The following MBD5 variants were observed in gnomAD, a reference collection of about 807,000 sequenced individuals.
MBD5 encodes methyl-CpG-binding domain protein 5.
In MBD5, 13 loss-of-function variants were observed where a neutral mutation model predicts 117.3. The ratio of observed to expected loss-of-function variants is 0.11; its 90% confidence interval spans 0.07 to 0.18. MBD5 has a LOEUF of 0.18. MBD5 is among the 10% of genes least tolerant of loss of function. The pLI is 1.00. For synonymous variants in MBD5, 727 were observed against 766.4 expected (o/e 0.95, Z 0.85); for missense variants, 1,879 against 2,093.8 (o/e 0.90, Z 2.00).
intron 2 of MBD5, among the ~76,000 whole-genome samples, chr2:148,203,585 G>A (rs1699198378): frequency 6.6e-6 from 1 of 152,184 alleles, no homozygotes; most frequent in African/African-American, 2.4e-5. Context: ...TTAGGAAGGA[G>A]GGTCAAGGAA....
At chr2:148,464,260 T>C (rs1251697123) in intron 7 of MBD5, among the ~76,000 whole-genome samples, 1 of 152,156 alleles carries the variant, frequency 6.6e-6, no homozygotes, top group Non-Finnish European at 1.5e-5. Flanking sequence ...TGGATTGGAA[T>C]GTGTGGTATC....
chr2:148,427,806 A>G (rs72620204), intron 4 of MBD5, among the ~76,000 whole-genome samples: 1 of 151,886 alleles, frequency 6.6e-6, no homozygotes, highest in East Asian at 1.9e-4. Flanking sequence ...AAAAAAGAAT[A>G]AAAAAATGAA....
chr2:148,180,737 T>C (rs1306754325), intron 2 of MBD5, among the ~76,000 whole-genome samples: 1 of 151,910 alleles, frequency 6.6e-6, no homozygotes, highest in Non-Finnish European at 1.5e-5. Context: ...GAAAGCAGAG[T>C]TAATCACACT....
At chr2:148,492,725 A>T (rs1681568029) in intron 11 of MBD5, among the ~76,000 whole-genome samples, 1 of 152,084 alleles carries the variant, frequency 6.6e-6, no homozygotes, top group South Asian at 2.1e-4. Context: ...CCGTGAGTCA[A>T]AGTTCTCATT....
At chr2:148,466,246 A>G (rs949196841) in intron 7 of MBD5, among the ~76,000 whole-genome samples, 3 of 152,144 alleles carry the variant, frequency 2.0e-5, no homozygotes, top group African/African-American at 7.2e-5. Flanking sequence ...TTTGGAAGGT[A>G]CTGTTTATTC....
At chr2:148,418,031 G>T (rs1705477801) in intron 4 of MBD5, among the ~76,000 whole-genome samples, 1 of 151,928 alleles carries the variant, frequency 6.6e-6, no homozygotes, top group African/African-American at 2.4e-5. Context: ...GTGAAGACGG[G>T]GTTTCACCAT....
chr2:148,377,406 G>T (rs1244805950), intron 4 of MBD5, among the ~76,000 whole-genome samples: 1 of 152,148 alleles, frequency 6.6e-6, no homozygotes, highest in Non-Finnish European at 1.5e-5. Context: ...GACACACCCA[G>T]AATGAATACT....
intron 1 of MBD5, among the ~76,000 whole-genome samples, chr2:148,046,224 C>T (rs62169555): frequency 1.1e-4 from 16 of 151,856 alleles, no homozygotes; most frequent in African/African-American, 2.9e-4. Flanking sequence ...CCTTGTGATC[C>T]GCCCACCTTG....
In MBD5 at chr2:148,485,860, G is replaced by T. The variant is rs774912000; in HGVS notation, c.3663G>T (p.Gly1221=). ...AGCAACAGCAGCAACTTCTCCAGGG[G>T]TACCAGAATCTCCAGGCGTTCCAAG... is the stretch of plus-strand genomic sequence containing the variant. ...PNQQQQQLLQ[G]YQNLQAFQGQ... Residue 1221 remains glycine (G), a synonymous_variant, in exon 10 of 14, where the codon GGG becomes GGT. Coordinates refer to ENST00000642680, the MANE Select transcript of MBD5 (RefSeq NM_001378120.1). 146 of 1,613,926 alleles carry T rather than the reference G, an allele frequency of 9.0e-5. No homozygotes were observed. The highest frequency in any genetic ancestry group is 1.1e-4 in the Non-Finnish European group (133 of 1,179,964).
At chr2:148,140,082 G>A (rs1031378774) in intron 1 of MBD5, among the ~76,000 whole-genome samples, 5 of 152,112 alleles carry the variant, frequency 3.3e-5, no homozygotes, top group African/African-American at 4.8e-5. Context: ...AGAAACCTGA[G>A]GCCCAGAGAA....
At chr2:148,062,662 A>G (rs902099887) in intron 1 of MBD5, 1 of 152,038 alleles carries the variant, frequency 6.6e-6, no homozygotes, top group African/African-American at 2.4e-5. Flanking sequence ...AATAATTAAT[A>G]GTATTTGAAT....
intron 4 of MBD5, among the ~76,000 whole-genome samples, chr2:148,454,872 AT>A (rs922972574): frequency 1.3e-5 from 2 of 152,044 alleles, no homozygotes; most frequent in African/African-American, 4.8e-5. Context: ...GACATTTAGG[AT>A]TTTTTTGTTT....
intron 13 of MBD5, 86 bp downstream of exon 13, chr2:148,510,221 C>A: frequency 2.1e-6 from 2 of 937,718 alleles, no homozygotes; most frequent in South Asian, 2.7e-5. Context: ...TGAGTATTGT[C>A]AAACAACTCA....
At chr2:148,152,232 C>G (rs1379041042) in intron 1 of MBD5, among the ~76,000 whole-genome samples, 2 of 152,148 alleles carry the variant, frequency 1.3e-5, no homozygotes, top group African/African-American at 4.8e-5. Flanking sequence ...TGTTCAGCTT[C>G]CATGTAGTTG....
chr2:148,507,530 C>T (rs953562351), intron 12 of MBD5, among the ~76,000 whole-genome samples: 2 of 150,694 alleles, frequency 1.3e-5, no homozygotes, highest in Non-Finnish European at 3.0e-5. Flanking sequence ...GAGGCCGAGG[C>T]GGGCAGATCA....
chr2:148,211,727 C>A (rs992820084), intron 2 of MBD5, among the ~76,000 whole-genome samples: 2 of 152,040 alleles, frequency 1.3e-5, no homozygotes, highest in Admixed American at 1.3e-4. Context: ...TTAAAATGTG[C>A]ATGTTCACGA....
In MBD5 at chr2:148,021,496, C is replaced by T. The variant is rs1006947456; in HGVS notation, c.-1113C>T. Reference sequence around the variant, plus strand: ...GCTGCTGCTGTTGCTGCTGCTGCTGCTACTGCTGCTGCTGCTACTGCTGCT... The same window carrying T: ...GCTGCTGCTGTTGCTGCTGCTGCTGTTACTGCTGCTGCTGCTACTGCTGCT... On this transcript the variant is annotated 5_prime_UTR_variant, in exon 1 of 14. Transcript: ENST00000642680. 1.0e-5 allele frequency: 6 copies of T among 577,556 alleles called. No individual in the cohort carries two copies. In the East Asian group the frequency reaches 1.8e-4, roughly 17 times the overall value. The allele number at this position is 577,556 out of a possible 1,614,324, so 35.8% of individuals were successfully genotyped here. A position where few individuals can be genotyped will look rare whatever the true frequency, so the allele number is the denominator to read the frequency against.
intron 4 of MBD5, among the ~76,000 whole-genome samples, chr2:148,373,479 A>G (rs1175510017): frequency 6.6e-6 from 1 of 152,126 alleles, no homozygotes; most frequent in Non-Finnish European, 1.5e-5. Flanking sequence ...TACAAATACC[A>G]TTTTAGCTTT....
intron 4 of MBD5, among the ~76,000 whole-genome samples, chr2:148,433,528 A>G (rs1443527011): frequency 6.6e-6 from 1 of 152,162 alleles, no homozygotes; most frequent in Admixed American, 6.5e-5. Flanking sequence ...TGTTCCTTCA[A>G]TGCCTAGTTT....
Sources: gnomAD v4.1 joint callset for allele counts (sites outside exome capture counted in the v4.1 genomes callset) on GRCh38, gnomAD v4.1.1 for gene constraint, MANE v1.5 for transcripts, NCBI Gene and HGNC (gene_info 2026-07-23, HGNC 2026-07-21) for gene names.